SPON1: variants seen among roughly 807,000 people sequenced by gnomAD.
SPON1 encodes spondin 1.
Under a neutral mutation model 111.7 loss-of-function variants are expected in SPON1, and 52 were observed. The ratio of observed to expected loss-of-function variants is 0.47; its 90% confidence interval spans 0.37 to 0.59. The LOEUF is 0.59. Ranked by LOEUF, SPON1 falls within the 20% of genes least tolerant of loss-of-function variation. The pLI is 0.00. For synonymous variants in SPON1, 410 were observed against 395.8 expected, an observed-to-expected ratio of 1.04 and a Z score of -0.43; for missense variants, 957 against 1,068.5, an observed-to-expected ratio of 0.90 and a Z score of 1.46.
In SPON1 at chr11:14,135,269, T is replaced by C. The variant is rs550912565; in HGVS notation, c.677-151T>C. On this transcript the variant is annotated intron_variant, in intron 5 of 15. Coordinates refer to ENST00000576479, the MANE Select transcript of SPON1 (RefSeq NM_006108.4). This position sits in a 1 kb window ranked among gnomAD's most constrained non-coding sequence, Gnocchi z 4.4. ...CTATTTGCTTATAGGAACTCAGTCTTATCACTGAATGGCACAGGGCCTAAG... is the reference window on the plus strand; with the variant it reads ...CTATTTGCTTATAGGAACTCAGTCTCATCACTGAATGGCACAGGGCCTAAG... 2.7e-5 allele frequency: 22 copies of C among 817,664 alleles called. No individual in the cohort carries two copies. The Middle Eastern group carries it at 1.9e-3, about 70-fold the overall frequency. 50.7% of individuals were successfully genotyped at this position (817,664 alleles called of 1,614,324 possible).
chr11:14,222,060 A>G (rs537334499), intron 6 of SPON1, among the ~76,000 whole-genome samples: 1 of 152,292 alleles, frequency 6.6e-6, no homozygotes, highest in Non-Finnish European at 1.5e-5. Flanking sequence ...TTATCATCCT[A>G]TGAACTCATT....
Position 14,160,419 on chromosome 11 carries a change from ATATATATATATTTATATATATATT to A in SPON1, c.825+24875_825+24898del, listed in dbSNP as rs1331647564. On this transcript the variant is annotated intron_variant, in intron 6 of 15. Transcript: ENST00000576479. ...TATATATATTTATATATATATATTT[ATATATATATATTTATATATATATT>A]TATATATATATTTATATATATATAT... Among the ~76,000 whole-genome samples the A allele has an allele frequency of 2.6e-4, 11 of 41,782 alleles. 1 individual carries two copies. Among genetic ancestry groups the A allele is most frequent in the African/African-American group, 9.5e-4 (7 of 7,352 alleles). 27.4% of individuals were successfully genotyped at this position (41,782 alleles called of 152,430 possible). A position where few individuals can be genotyped will look rare whatever the true frequency, so the allele number is the denominator to read the frequency against.
At position 14,135,149 on chromosome 11, in the gene SPON1, C is replaced by A; in HGVS notation, c.677-271C>A. On this transcript the variant is annotated intron_variant, in intron 5 of 15. Coordinates refer to ENST00000576479, the MANE Select transcript of SPON1 (RefSeq NM_006108.4). The surrounding 1 kb of genome is among the most constrained non-coding windows in gnomAD (Gnocchi z 4.4). ...GCCTTTAACGTTCTCTCAACTATCCCCTTCTCTGAGACCTTCCTAGACAGA... is the reference window on the plus strand; with the variant it reads ...GCCTTTAACGTTCTCTCAACTATCCACTTCTCTGAGACCTTCCTAGACAGA... 1 of 314,314 alleles carries A rather than the reference C, an allele frequency of 3.2e-6. No homozygotes were observed. The highest frequency in any genetic ancestry group is 5.9e-6 in the Non-Finnish European group (1 of 169,728). 19.5% of individuals were successfully genotyped at this position (314,314 alleles called of 1,614,324 possible).
At position 13,963,017 on chromosome 11, in the gene SPON1, C is replaced by A; in HGVS notation, c.113C>A (p.Pro38His). The change falls in exon 1 of 16, where the codon CCC (proline) becomes CAC (histidine). Residue 38 changes from proline (P) to histidine (H), a missense_variant. Around this residue, in one of 5 missense-constraint regions of SPON1, gnomAD observed 262 missense variants for 253.9 expected, o/e 1.03. Transcript: ENST00000576479. ...TCCGACGAGACCCTGGACAAAGTGC[C>A]CAAGTCAGAGGGCTACTGCAGCCGT... ...AFSDETLDKV[P>H]KSEGYCSRIL... 1 of 1,592,692 alleles carries A rather than the reference C, an allele frequency of 6.3e-7. No homozygotes were observed. The highest frequency in any genetic ancestry group is 2.3e-5 in the East Asian group (1 of 43,342).
rs373311284 is a variant in SPON1, at chr11:13,997,552, A to G, written c.345+14599A>G. ...GCCAGCAGCCTAGGGTGCATTTTCC[A>G]CATTTCTGTTTACAGTGAATCATAA... is the stretch of plus-strand genomic sequence containing the variant. On this transcript the variant is annotated intron_variant, in intron 2 of 15. Coordinates refer to ENST00000576479, the MANE Select transcript of SPON1 (RefSeq NM_006108.4). Among the ~76,000 whole-genome samples, 47 of 152,324 alleles carry G rather than the reference A, an allele frequency of 3.1e-4. No individual in the cohort carries two copies. The East Asian group carries it at 6.2e-3, about 20-fold the overall frequency.
At chr11:14,166,498 G>T (rs1271393284) in intron 6 of SPON1, among the ~76,000 whole-genome samples, 2 of 152,098 alleles carry the variant, frequency 1.3e-5, no homozygotes, top group African/African-American at 4.8e-5. Flanking sequence ...GCTTTTTCAT[G>T]TACTCCAATA....
At chr11:14,169,290 T>C (rs1848068949) in intron 6 of SPON1, among the ~76,000 whole-genome samples, 1 of 152,262 alleles carries the variant, frequency 6.6e-6, no homozygotes, top group Non-Finnish European at 1.5e-5. Context: ...TTTGACTGCA[T>C]AAATGTCTTC....
chr11:14,222,266 G>A (rs186945535), intron 6 of SPON1, among the ~76,000 whole-genome samples: 4 of 152,278 alleles, frequency 2.6e-5, no homozygotes, highest in Admixed American at 2.6e-4. Context: ...CATAAGCCAG[G>A]TTTCATCAAG....
intron 5 of SPON1, among the ~76,000 whole-genome samples, chr11:14,110,633 A>G (rs1849220239): frequency 1.3e-5 from 2 of 152,206 alleles, no homozygotes; most frequent in Non-Finnish European, 1.5e-5. Context: ...TCTGAGGTCA[A>G]AGGCCCAAGG....
chr11:14,069,141 A>G (rs1486165588), intron 3 of SPON1, among the ~76,000 whole-genome samples: 1 of 152,044 alleles, frequency 6.6e-6, no homozygotes, highest in East Asian at 1.9e-4. Context: ...TAGCATTACT[A>G]TGTCTCCCTC....
intron 6 of SPON1, among the ~76,000 whole-genome samples, chr11:14,160,556 TA>T (rs1847910665): frequency 3.2e-5 from 1 of 30,978 alleles, no homozygotes; most frequent in African/African-American, 1.5e-4. Flanking sequence ...TTTATATATA[TA>T]TTTATATATA....
In SPON1 at chr11:14,160,995, T is replaced by A. The variant is rs189689507; in HGVS notation, c.825+25427T>A. Among the ~76,000 whole-genome samples, 16 of 10,572 alleles carry A rather than the reference T, an allele frequency of 1.5e-3. 1 individual carries two copies. The highest frequency in any genetic ancestry group is 4.7e-3 in the African/African-American group (13 of 2,766). 6.9% of individuals were successfully genotyped at this position (10,572 alleles called of 152,430 possible). ...TATTTTTATATATTTATATATATTT[T>A]TATATATTTATATATTTATATATCT... On this transcript the variant is annotated intron_variant, in intron 6 of 15. Transcript: ENST00000576479.
intron 6 of SPON1, among the ~76,000 whole-genome samples, chr11:14,160,447 A>T (rs1554930847): frequency 8.0e-5 from 2 of 24,872 alleles, no homozygotes; most frequent in African/African-American, 3.6e-4. Flanking sequence ...ATATATTTAT[A>T]TATATATTTA....
At chr11:14,112,068 A>C (rs1849230654) in intron 5 of SPON1, among the ~76,000 whole-genome samples, 1 of 151,754 alleles carries the variant, frequency 6.6e-6, no homozygotes, top group Non-Finnish European at 1.5e-5. Context: ...AAGCAAGAAA[A>C]CTTCCTCATC....
intron 6 of SPON1, among the ~76,000 whole-genome samples, chr11:14,199,110 C>T (rs1848433766): frequency 6.6e-6 from 1 of 152,138 alleles, no homozygotes; most frequent in Non-Finnish European, 1.5e-5. Flanking sequence ...TAAATATCAG[C>T]CCTGTTTGCT....
chr11:14,007,066 C>T (rs562230555), intron 2 of SPON1, among the ~76,000 whole-genome samples: 49 of 152,204 alleles, frequency 3.2e-4, no homozygotes, highest in African/African-American at 1.2e-3. Flanking sequence ...AACAGTTTTT[C>T]CATGGGCTGC....
chr11:14,211,284 T>A (rs1297576269), intron 6 of SPON1, among the ~76,000 whole-genome samples: 1 of 152,178 alleles, frequency 6.6e-6, no homozygotes, highest in Non-Finnish European at 1.5e-5. Flanking sequence ...CAGCAAAGTC[T>A]CAGGATACAA....
rs1458589751 is a variant in SPON1, at chr11:14,135,476, C to T, written c.733C>T (p.Leu245=). 7 of 1,613,868 alleles carry T rather than the reference C, an allele frequency of 4.3e-6. No individual in the cohort carries two copies. The East Asian group carries it at 1.3e-4, about 31-fold the overall frequency. Residue 245 remains leucine, a synonymous_variant, in exon 6 of 16, where the codon CTG becomes TTG. Transcript: ENST00000576479. The surrounding 1 kb of genome is among the most constrained non-coding windows in gnomAD (Gnocchi z 4.4). ...IGGSHSKNYV[L]WEYGGYASEG... is the part of the protein sequence containing the mutation. ...AGGATCCCACTCCAAGAATTATGTA[C>T]TGTGGGAATATGGAGGATATGCCAG...
intron 6 of SPON1, among the ~76,000 whole-genome samples, chr11:14,220,007 A>G (rs1188069768): frequency 6.6e-6 from 1 of 150,702 alleles, no homozygotes; most frequent in Non-Finnish European, 1.5e-5. Context: ...GGATTGCTTG[A>G]GCCCAAGAGG....
Sources: allele counts gnomAD v4.1 joint callset (sites outside exome capture counted in the v4.1 genomes callset), GRCh38; gene constraint gnomAD v4.1.1; regional missense constraint gnomAD v4.1.1; non-coding constraint Gnocchi (gnomAD v3.1); transcripts MANE v1.5; gene names NCBI Gene and HGNC (gene_info 2026-07-23, HGNC 2026-07-21).